SLC37A1: variants seen among roughly 807,000 people sequenced by gnomAD.
SLC37A1 encodes glucose-6-phosphate exchanger SLC37A1.
A neutral mutation model predicts 75.3 loss-of-function variants in SLC37A1; 49 were observed. That is an observed-to-expected ratio of 0.65 (90% CI 0.52 to 0.83). SLC37A1 has a LOEUF of 0.83. SLC37A1 is among the 40% of genes least tolerant of loss of function. The pLI is 0.00. For missense variants in SLC37A1, 566 were observed against 695.0 expected, an observed-to-expected ratio of 0.81 and a Z score of 2.09; for synonymous variants, 268 against 292.1, an observed-to-expected ratio of 0.92 and a Z score of 0.84.
chr21:42,574,719 A>C, intron 17 of SLC37A1, 99 bp from the exon 18 acceptor site: 2 of 1,136,178 alleles, frequency 1.8e-6, no homozygotes, highest in Non-Finnish European at 2.6e-6. Flanking sequence ...TGTTCCTTTC[A>C]TTGTGAGTGA....
At chr21:42,501,396 A>G (rs2054340429) in intron 1 of SLC37A1, among the ~76,000 whole-genome samples, 1 of 152,212 alleles carries the variant, frequency 6.6e-6, no homozygotes, top group Non-Finnish European at 1.5e-5. Flanking sequence ...GGCAAATTCT[A>G]CATTAATCTA....
chr21:42,530,654 A>ACACACACACCCCCCCCCC (rs1161313598), intron 3 of SLC37A1, among the ~76,000 whole-genome samples: 1 of 35,880 alleles, frequency 2.8e-5, no homozygotes, highest in Non-Finnish European at 5.2e-5. Context: ...ACACACACAC[A>ACACACACACCCCCCCCCC]CCCCCTCTGT....
chr21:42,530,654 A>ACACACACACC (rs1161313598), intron 3 of SLC37A1, among the ~76,000 whole-genome samples: 507 of 35,852 alleles, frequency 0.014, 20 homozygotes, highest in Non-Finnish European at 0.02. Flanking sequence ...ACACACACAC[A>ACACACACACC]CCCCCTCTGT....
intron 3 of SLC37A1, among the ~76,000 whole-genome samples, chr21:42,532,754 T>A (rs183858277): frequency 3.3e-5 from 5 of 151,984 alleles, no homozygotes; most frequent in Admixed American, 3.3e-4. Flanking sequence ...ACCCAAGCAG[T>A]TGGGGAGCAA....
At chr21:42,534,633 G>T in intron 3 of SLC37A1, 65 bp from the exon 4 acceptor site, 1 of 1,556,354 alleles carries the variant, frequency 6.4e-7, no homozygotes. Context: ...TCCTCTCTGT[G>T]CCCCATGCTG....
chr21:42,563,799 G>A lies in SLC37A1; in HGVS notation c.1073-16G>A, dbSNP rs753956221. 5.4e-5 allele frequency: 87 copies of A among 1,613,798 alleles called. No homozygotes were observed. The highest frequency in any genetic ancestry group is 1.1e-4 in the South Asian group (10 of 91,078). The stretch of plus-strand genomic sequence containing the variant: ...GGAGATCCTCACTGTTTCACACTCC[G>A]TTGTCATTTCAATAGATCACCTTGA... On this transcript the variant is annotated splice_polypyrimidine_tract_variant and intron_variant, in intron 12 of 19. Coordinates refer to ENST00000352133, the MANE Select transcript of SLC37A1 (RefSeq NM_001320537.2).
intron 12 of SLC37A1, among the ~76,000 whole-genome samples, chr21:42,562,676 GC>G (rs11323705): frequency 0.89 from 135,934 of 152,036 alleles, 61,457 homozygotes; most frequent in African/African-American, 0.97. Flanking sequence ...ATAGTAACAT[GC>G]CCCCCCCATG....
intron 3 of SLC37A1, 32 bp from the exon 4 acceptor site, chr21:42,534,666 C>T (rs1359607517): frequency 1.9e-6 from 3 of 1,597,324 alleles, no homozygotes; most frequent in African/African-American, 1.3e-5. Flanking sequence ...GGCACTTCCT[C>T]TCCCTGCTTC....
At position 42,524,917 on chromosome 21, in the gene SLC37A1, G is replaced by A. The variant is rs118030307; in HGVS notation, c.57-859G>A. 9.1e-4 allele frequency among the ~76,000 whole-genome samples: 138 copies of A among 152,280 alleles called. 1 individual carries two copies. Among genetic ancestry groups the A allele is most frequent in the Admixed American group, 3.1e-3 (48 of 15,306 alleles). On this transcript the variant is annotated intron_variant, in intron 2 of 19. Coordinates refer to ENST00000352133, the MANE Select transcript of SLC37A1 (RefSeq NM_001320537.2). The stretch of plus-strand genomic sequence containing the variant: ...TGGGGGACTGGTTGCCAGGGCAACC[G>A]ACCACGTGATTAGAGGTTGGGACTC...
Position 42,525,759 on chromosome 21 carries a change from ACT to A in SLC37A1, c.57-16_57-15del. 1 of 1,588,730 alleles carries A rather than the reference ACT, an allele frequency of 6.3e-7. No homozygotes were observed. Among genetic ancestry groups the A allele is most frequent in the Non-Finnish European group, 8.6e-7 (1 of 1,157,198 alleles). On this transcript the variant is annotated splice_polypyrimidine_tract_variant and intron_variant, in intron 2 of 19. Transcript: ENST00000352133. ...CTGTTATTTCATATCATCCTCTCCC[ACT>A]GTTTTGTGTTTCAGGTACAGAGCCT...
chr21:42,521,901 A>C (rs2054659362), intron 2 of SLC37A1, among the ~76,000 whole-genome samples: 1 of 152,202 alleles, frequency 6.6e-6, no homozygotes, highest in South Asian at 2.1e-4. Context: ...AAACAACAGG[A>C]ATTTACCCTC....
At position 42,522,429 on chromosome 21, in the gene SLC37A1, G is replaced by T. The variant is rs532522956; in HGVS notation, c.57-3347G>T. ...GCAGAGTGAAGCGTCTGCCTACCCA[G>T]AGGCCAGGCGTATCGGGGTGACAAC... On this transcript the variant is annotated intron_variant, in intron 2 of 19. Coordinates refer to ENST00000352133, the MANE Select transcript of SLC37A1 (RefSeq NM_001320537.2). 3.9e-5 allele frequency among the ~76,000 whole-genome samples: 6 copies of T among 152,328 alleles called. No individual in the cohort carries two copies. The East Asian group carries it at 1.2e-3, about 29-fold the overall frequency.
At chr21:42,507,030 A>C (rs2054389848) in intron 2 of SLC37A1, among the ~76,000 whole-genome samples, 1 of 152,160 alleles carries the variant, frequency 6.6e-6, no homozygotes, top group Admixed American at 6.5e-5. Flanking sequence ...TTACAGGCAC[A>C]TGCCACCACA....
intron 6 of SLC37A1, among the ~76,000 whole-genome samples, chr21:42,541,953 G>A (rs574444246): frequency 6.6e-6 from 1 of 152,220 alleles, no homozygotes; most frequent in South Asian, 2.1e-4. Context: ...TATTGCCCAG[G>A]CTGGTCTCAA....
At chr21:42,551,944 G>A (rs1278788389) in intron 9 of SLC37A1, among the ~76,000 whole-genome samples, 1 of 151,994 alleles carries the variant, frequency 6.6e-6, no homozygotes, top group Non-Finnish European at 1.5e-5. Flanking sequence ...TTGTACCTGG[G>A]GTGTGTTTCA....
At position 42,548,463 on chromosome 21, in the gene SLC37A1, C is replaced by T. The variant is rs1379273689; in HGVS notation, c.768+1323C>T. Among the ~76,000 whole-genome samples, 1 of 152,148 alleles carries T rather than the reference C, an allele frequency of 6.6e-6. No individual in the cohort carries two copies. Among genetic ancestry groups the T allele is most frequent in the Non-Finnish European group, 1.5e-5 (1 of 68,016 alleles). ...ACCCGAGGAGCCAGCCCAACACCCCCTCCCTTCAGCCCCGCACCCCATCCT... is the reference window on the plus strand; with the variant it reads ...ACCCGAGGAGCCAGCCCAACACCCCTTCCCTTCAGCCCCGCACCCCATCCT... On this transcript the variant is annotated intron_variant, in intron 9 of 19. Transcript: ENST00000352133. This position sits in a 1 kb window ranked among gnomAD's most constrained non-coding sequence, Gnocchi z 5.6.
chr21:42,511,159 A>G (rs1232445549), upstream of SLC37A1, among the ~76,000 whole-genome samples: 2 of 152,266 alleles, frequency 1.3e-5, no homozygotes. Flanking sequence ...CCACAATAAC[A>G]TGAACTAGAA....
At chr21:42,524,620 G>A (rs967725687) in intron 2 of SLC37A1, among the ~76,000 whole-genome samples, 8 of 152,222 alleles carry the variant, frequency 5.3e-5, no homozygotes, top group African/African-American at 1.2e-4. Flanking sequence ...AGCAGGCTAC[G>A]CCAGAAACTT....
At chr21:42,539,786 T>A (rs2055229307) in intron 6 of SLC37A1, 139 bp downstream of exon 6, 1 of 771,442 alleles carries the variant, frequency 1.3e-6, no homozygotes, top group Non-Finnish European at 1.9e-6. Flanking sequence ...TCAGCTGACG[T>A]AACAAAGTCC....
Sources: allele counts gnomAD v4.1 joint callset (sites outside exome capture counted in the v4.1 genomes callset), GRCh38; gene constraint gnomAD v4.1.1; non-coding constraint Gnocchi (gnomAD v3.1); transcripts MANE v1.5; gene names NCBI Gene and HGNC (gene_info 2026-07-23, HGNC 2026-07-21).